Variants in RAP2A observed in about 807,000 individuals in gnomAD.
The protein encoded by RAP2A is RAP2A, member of RAS oncogene family, also known as ras-related protein Rap-2a.
In RAP2A, 5 loss-of-function variants were observed where a neutral mutation model predicts 15.1. That is an observed-to-expected ratio of 0.33 (90% confidence interval 0.17 to 0.70). The LOEUF is 0.70. RAP2A is among the 30% of genes least tolerant of loss of function. The probability of loss-of-function intolerance (pLI) is 0.68; values close to 1 mark genes in which losing one functional copy is unlikely to be tolerated. For missense variants in RAP2A, 111 were observed against 240.3 expected (o/e 0.46, Z 3.56); for synonymous variants, 110 against 99.7 (o/e 1.10, Z -0.62).
chr13:97,457,734 T>A (rs2153180159), intron 1 of RAP2A, among the ~76,000 whole-genome samples: 1 of 152,152 alleles, frequency 6.6e-6, no homozygotes, highest in South Asian at 2.1e-4. Context: ...GGAAAATAAT[T>A]TGGAAGGATA....
chr13:97,464,334 G>A lies in RAP2A; in HGVS notation c.444G>A (p.Lys148=). ...WGCPFMETSA[K]SKTMVDELFA... ...GCCCCTTTATGGAAACTTCCGCTAA[G>A]AGTAAAACAATGGTGGACGAACTCT... is the stretch of plus-strand genomic sequence containing the variant. The change falls in exon 2 of 2, where the codon AAG becomes AAA. Residue 148 remains lysine, a synonymous_variant. Coordinates refer to ENST00000245304, the MANE Select transcript of RAP2A (RefSeq NM_021033.7). The A allele has an allele frequency of 6.2e-7, 1 of 1,614,216 alleles. No individual in the cohort carries two copies. The highest frequency in any genetic ancestry group is 8.5e-7 in the Non-Finnish European group (1 of 1,180,020).
At chr13:97,457,245 G>A (rs908928123) in intron 1 of RAP2A, among the ~76,000 whole-genome samples, 1 of 151,632 alleles carries the variant, frequency 6.6e-6, no homozygotes, top group Non-Finnish European at 1.5e-5. Flanking sequence ...AAACACGTGA[G>A]AGATATATAT....
chr13:97,464,526 G>A lies in RAP2A; in HGVS notation c.*84G>A. On this transcript the variant is annotated 3_prime_UTR_variant, in exon 2 of 2. Coordinates refer to ENST00000245304, the MANE Select transcript of RAP2A (RefSeq NM_021033.7). ...CGCCTACTCCACTGCAGAACTTGCA[G>A]AATGCGTGGTGTTAATCTACAGAGA... 1 of 1,251,690 alleles carries A rather than the reference G, an allele frequency of 8.0e-7. No homozygotes were observed. The highest frequency in any genetic ancestry group is 1.5e-5 in the African/African-American group (1 of 67,764). 77.5% of individuals were successfully genotyped at this position (1,251,690 alleles called of 1,614,324 possible). A position where few individuals can be genotyped will look rare whatever the true frequency, so the allele number is the denominator to read the frequency against.
At position 97,434,563 on chromosome 13, in the gene RAP2A, A is replaced by G. The variant is rs758736091; in HGVS notation, c.93A>G (p.Lys31=). Residue 31 remains lysine, a synonymous_variant, in exon 1 of 2, where the codon AAA becomes AAG. Transcript: ENST00000245304. Reference sequence around the variant, plus strand: ...TCGTGACCGGCACCTTCATCGAGAAATACGACCCCACCATCGAGGACTTCT... The same window carrying G: ...TCGTGACCGGCACCTTCATCGAGAAGTACGACCCCACCATCGAGGACTTCT... ...VQFVTGTFIE[K]YDPTIEDFYR... 8.1e-6 allele frequency: 13 copies of G among 1,613,960 alleles called. No individual in the cohort carries two copies. The highest frequency in any genetic ancestry group is 8.5e-7 in the Non-Finnish European group (1 of 1,179,998).
chr13:97,449,659 G>A (rs990346403), intron 1 of RAP2A, among the ~76,000 whole-genome samples: 1 of 152,110 alleles, frequency 6.6e-6, no homozygotes, highest in Non-Finnish European at 1.5e-5. Flanking sequence ...ATTGGCTGCT[G>A]TTGAGGGCCA....
chr13:97,437,314 A>G (rs1158674113), intron 1 of RAP2A: 2 of 152,208 alleles, frequency 1.3e-5, no homozygotes, highest in Non-Finnish European at 2.9e-5. Flanking sequence ...TCAAGTGCTC[A>G]GTAGCCGTAT....
rs1186674819 is a variant in RAP2A, at chr13:97,464,379, G to A, written c.489G>A (p.Gln163=). 6.2e-7 allele frequency: 1 copy of A among 1,614,222 alleles called. No homozygotes were observed. The highest frequency in any genetic ancestry group is 8.5e-7 in the Non-Finnish European group (1 of 1,180,034). ...VDELFAEIVR[Q]MNYAAQPDKD... is the part of the protein sequence containing the mutation. ...AACTCTTTGCAGAAATTGTGAGGCAGATGAACTATGCTGCTCAGCCTGACA... is the reference window on the plus strand; with the variant it reads ...AACTCTTTGCAGAAATTGTGAGGCAAATGAACTATGCTGCTCAGCCTGACA... The change falls in exon 2 of 2, where the codon CAG becomes CAA. Residue 163 remains glutamine, a synonymous_variant. Transcript: ENST00000245304.
In RAP2A at chr13:97,464,358, CTT is replaced by C; in HGVS notation, c.470_471del (p.Phe157CysfsTer14). 6.2e-7 allele frequency: 1 copy of C among 1,614,210 alleles called. No individual in the cohort carries two copies. Among genetic ancestry groups the C allele is most frequent in the East Asian group, 2.2e-5 (1 of 44,886 alleles). On this transcript the variant is annotated frameshift_variant, in exon 2 of 2. Transcript: ENST00000245304. LOFTEE classifies it high-confidence loss of function. ...AGAGTAAAACAATGGTGGACGAACT[CTT>C]TGCAGAAATTGTGAGGCAGATGAAC... is the stretch of plus-strand genomic sequence containing the variant. ...AKSKTMVDEL[F>X]AEIVRQMNYA...
chr13:97,449,368 T>C (rs1193412319), intron 1 of RAP2A, among the ~76,000 whole-genome samples: 1 of 152,206 alleles, frequency 6.6e-6, no homozygotes, highest in Non-Finnish European at 1.5e-5. Context: ...AGGTATGAGT[T>C]ACTTTGGAAA....
Position 97,464,426 on chromosome 13 carries a change from C to T in RAP2A, c.536C>T (p.Ala179Val), listed in dbSNP as rs2066761177. The T allele has an allele frequency of 4.3e-6, 7 of 1,614,072 alleles. No individual in the cohort carries two copies. Among genetic ancestry groups the T allele is most frequent in the Non-Finnish European group, 5.1e-6 (6 of 1,179,912 alleles). ...QPDKDDPCCSACNIQ is the reference protein window; with the variant it reads ...QPDKDDPCCSVCNIQ ...GACAAAGATGACCCATGCTGTTCTG[C>T]ATGTAACATACAATAGCATCCAAAT... The change falls in exon 2 of 2, where the codon GCA becomes GTA. Residue 179 changes from alanine to valine, a missense_variant. Physicochemically the swap from Ala to Val is moderately conservative, Grantham distance 64. Transcript: ENST00000245304.
intron 1 of RAP2A, among the ~76,000 whole-genome samples, chr13:97,435,024 C>T (rs934729074): frequency 4.6e-5 from 7 of 152,186 alleles, no homozygotes; most frequent in African/African-American, 1.7e-4. Flanking sequence ...ACGTTGTTAG[C>T]ATTGCTTGTT....
Position 97,434,235 on chromosome 13 carries a change from C to T in RAP2A, c.-236C>T. On this transcript the variant is annotated 5_prime_UTR_variant, in exon 1 of 2. Transcript: ENST00000245304. ...CTCTCTCTCTGCTCGCCCTCAGTCC[C>T]ACCCGGTGCCTACGGGGCCGCATCG... 6.7e-6 allele frequency: 1 copy of T among 150,226 alleles called. No homozygotes were observed. The highest frequency in any genetic ancestry group is 1.5e-5 in the Non-Finnish European group (1 of 68,862). 9.3% of individuals were successfully genotyped at this position (150,226 alleles called of 1,614,324 possible).
intron 1 of RAP2A, among the ~76,000 whole-genome samples, chr13:97,451,146 C>G (rs369767750): frequency 6.6e-6 from 1 of 152,178 alleles, no homozygotes; most frequent in East Asian, 1.9e-4. Flanking sequence ...TGTAAACACA[C>G]AGCCAACAGG....
chr13:97,463,860 CTG>C (rs572792566), intron 1 of RAP2A, among the ~76,000 whole-genome samples: 117 of 152,184 alleles, frequency 7.7e-4, no homozygotes, highest in African/African-American at 2.8e-3. Context: ...GTGTGATCAA[CTG>C]TGAAATTTTG....
intron 1 of RAP2A, among the ~76,000 whole-genome samples, chr13:97,462,024 TTATATATTTATATATATTTATA>T (rs1457384463): frequency 1.2e-4 from 17 of 144,122 alleles, no homozygotes; most frequent in Admixed American, 3.5e-4. Context: ...ATATAGATAT[TTATATATTTATATATATTTATA>T]TATATATTTA....
intron 1 of RAP2A, among the ~76,000 whole-genome samples, chr13:97,449,470 G>A (rs1421123971): frequency 2.0e-5 from 3 of 152,132 alleles, no homozygotes; most frequent in Non-Finnish European, 4.4e-5. Context: ...AATCACTACT[G>A]GACTAGACCT....
Position 97,466,585 on chromosome 13 carries a change from T to C in RAP2A, c.*2143T>C, listed in dbSNP as rs1323580205. On this transcript the variant is annotated 3_prime_UTR_variant, in exon 2 of 2. Coordinates refer to ENST00000245304, the MANE Select transcript of RAP2A (RefSeq NM_021033.7). Reference sequence around the variant, plus strand: ...CATAGCAATTTTTGACAAGTAAGATTGCAAAATAGAAATATCTATAAAGAT... The same window carrying C: ...CATAGCAATTTTTGACAAGTAAGATCGCAAAATAGAAATATCTATAAAGAT... The C allele has an allele frequency of 6.6e-6, 1 of 152,254 alleles. No homozygotes were observed. Among genetic ancestry groups the C allele is most frequent in the Non-Finnish European group, 1.5e-5 (1 of 68,042 alleles). 9.4% of individuals were successfully genotyped at this position (152,254 alleles called of 1,614,324 possible).
chr13:97,435,728 C>G (rs778561727), intron 1 of RAP2A, among the ~76,000 whole-genome samples: 1 of 152,022 alleles, frequency 6.6e-6, no homozygotes, highest in Non-Finnish European at 1.5e-5. Context: ...GTGATAATAT[C>G]TTAGTTCAAA....
chr13:97,464,198 C>A lies in RAP2A; in HGVS notation c.315-7C>A. 1 of 1,613,672 alleles carries A rather than the reference C, an allele frequency of 6.2e-7. No individual in the cohort carries two copies. Among genetic ancestry groups the A allele is most frequent in the Non-Finnish European group, 8.5e-7 (1 of 1,179,670 alleles). On this transcript the variant is annotated splice_region_variant and splice_polypyrimidine_tract_variant and intron_variant, in intron 1 of 1. Transcript: ENST00000245304. ...AATGTATGTGTGTTTTGTTTATTCT[C>A]TCATAGGTATGAGAAAGTGCCAGTC...
Sources: gnomAD v4.1 joint callset for allele counts (sites outside exome capture counted in the v4.1 genomes callset) on GRCh38, gnomAD v4.1.1 for gene constraint, MANE v1.5 for transcripts, NCBI Gene and HGNC (gene_info 2026-07-23, HGNC 2026-07-21) for gene names.